SMARCC2: variants seen among roughly 807,000 people sequenced by gnomAD.
The protein encoded by SMARCC2 is SWI/SNF related BAF chromatin remodeling complex subunit C2.
A neutral mutation model predicts 151.3 loss-of-function variants in SMARCC2; 15 were observed. The ratio of observed to expected loss-of-function variants is 0.10; its 90% CI spans 0.07 to 0.15. The LOEUF (loss-of-function observed/expected upper bound fraction) is 0.15, where lower values mean the gene tolerates loss of function less well. Ranked by LOEUF, SMARCC2 falls within the 10% of genes least tolerant of loss-of-function variation. The pLI is 1.00. For synonymous variants in SMARCC2, 590 were observed against 609.5 expected, an observed-to-expected ratio of 0.97 and a Z score of 0.47; for missense variants, 1,031 against 1,599.7, an observed-to-expected ratio of 0.64 and a Z score of 6.06.
In SMARCC2 at chr12:56,178,714, G is replaced by A. The variant is rs926510989; in HGVS notation, c.1179+96C>T. On this transcript the variant is annotated intron_variant, in intron 13 of 28. Transcript: ENST00000550164. ...CAAAGCTGGAATTAGTCTACAGTGG[G>A]TAAAGTCTGGGCAGTGAAAAGTTTG... 9.5e-6 allele frequency: 14 copies of A among 1,474,822 alleles called. No individual in the cohort carries two copies. The African/African-American group carries it at 1.8e-4, about 19-fold the overall frequency. The allele number at this position is 1,474,822 out of a possible 1,614,324, so 91.4% of individuals were successfully genotyped here.
chr12:56,188,724 A>G (rs915247199), intron 1 of SMARCC2, among the ~76,000 whole-genome samples: 2 of 152,190 alleles, frequency 1.3e-5, no homozygotes, highest in African/African-American at 4.8e-5. Flanking sequence ...AGGTTTCGGA[A>G]GGGGCCGCTA....
intron 25 of SMARCC2, 149 bp from the exon 26 acceptor site, chr12:56,168,343 G>C (rs1873230386): frequency 1.2e-6 from 1 of 803,996 alleles, no homozygotes; most frequent in Admixed American, 2.7e-5. Context: ...TTTGTGCTGG[G>C]ATTATAGGCG....
chr12:56,172,718 G>GA lies in SMARCC2; in HGVS notation c.1744-15dup. 6.2e-7 allele frequency: 1 copy of GA among 1,613,868 alleles called. No individual in the cohort carries two copies. Among genetic ancestry groups the GA allele is most frequent in the Non-Finnish European group, 8.5e-7 (1 of 1,180,034 alleles). ...AGCAGAGGTCTGCTATTTGTGGAGG[G>GA]AAAGAAACAGGTGAGTACAAGTGAC... On this transcript the variant is annotated splice_polypyrimidine_tract_variant and intron_variant, in intron 18 of 28. Coordinates refer to ENST00000550164, the MANE Select transcript of SMARCC2 (RefSeq NM_001330288.2).
chr12:56,173,632 A>G, intron 17 of SMARCC2, 64 bp downstream of exon 17: 2 of 1,458,314 alleles, frequency 1.4e-6, no homozygotes, highest in African/African-American at 1.4e-5. Context: ...AAAACCAGAA[A>G]AAGAAAAGTT....
Position 56,164,671 on chromosome 12 carries a change from C to T in SMARCC2, c.3293G>A (p.Gly1098Asp). 6.2e-7 allele frequency: 1 copy of T among 1,612,308 alleles called. No individual in the cohort carries two copies. The highest frequency in any genetic ancestry group is 1.1e-5 in the South Asian group (1 of 90,790). ...PPSMMPGAVPGSGHPGVAGNA... is the reference protein window; with the variant it reads ...PPSMMPGAVPDSGHPGVAGNA... ...ACCCGCCACGCCTGGGTGCCCGCTG[C>T]CTGGCACTGCCCCTGGCATCATTGA... is the stretch of plus-strand genomic sequence containing the variant. Residue 1098 changes from glycine to aspartate, a missense_variant, in exon 28 of 29, where the codon GGC becomes GAC. By Grantham distance (94) the Gly-to-Asp change is moderately conservative (BLOSUM62 -1). Coordinates refer to ENST00000550164, the MANE Select transcript of SMARCC2 (RefSeq NM_001330288.2).
chr12:56,182,147 C>A, intron 7 of SMARCC2, 68 bp from the exon 8 acceptor site: 1 of 1,061,862 alleles, frequency 9.4e-7, no homozygotes, highest in Non-Finnish European at 1.4e-6. Flanking sequence ...AAGTGCAGAT[C>A]TTTTACCCTT....
intron 11 of SMARCC2, among the ~76,000 whole-genome samples, chr12:56,180,437 CTT>C (rs1211335858): frequency 7.6e-5 from 11 of 144,424 alleles, no homozygotes; most frequent in African/African-American, 5.2e-5. Context: ...GAGTTTTGCT[CTT>C]GTCGCCCAGG....
intron 10 of SMARCC2, 161 bp downstream of exon 10, chr12:56,181,321 G>A (rs1424549110): frequency 3.1e-6 from 2 of 645,882 alleles, no homozygotes; most frequent in Non-Finnish European, 5.3e-6. Context: ...ACTAACAACT[G>A]AGCAGCTAAA....
At chr12:56,181,637 C>G (rs757250184) in intron 9 of SMARCC2, 40 bp from the exon 10 acceptor site, 1 of 1,611,244 alleles carries the variant, frequency 6.2e-7, no homozygotes, top group South Asian at 1.1e-5. Flanking sequence ...AGCCTACAAT[C>G]CCCACTGAAG....
At chr12:56,184,345 T>C in intron 5 of SMARCC2, 101 bp from the exon 6 acceptor site, 1 of 795,124 alleles carries the variant, frequency 1.3e-6, no homozygotes, top group Admixed American at 2.2e-5. Flanking sequence ...CTTATAATAG[T>C]ATTAAAGTTA....
intron 7 of SMARCC2, 50 bp from the exon 8 acceptor site, chr12:56,182,129 G>A: frequency 7.7e-7 from 1 of 1,298,382 alleles, no homozygotes; most frequent in African/African-American, 1.5e-5. Flanking sequence ...TAGAATTGTG[G>A]AAAAGTAAAG....
Position 56,186,183 on chromosome 12 carries a change from C to A in SMARCC2, c.289G>T (p.Ala97Ser). 1 of 1,612,286 alleles carries A rather than the reference C, an allele frequency of 6.2e-7. No individual in the cohort carries two copies. The highest frequency in any genetic ancestry group is 8.5e-7 in the Non-Finnish European group (1 of 1,178,304). Residue 97 changes from alanine to serine, a missense_variant, in exon 3 of 29, where the codon GCC becomes TCC. Physicochemically the swap from Ala to Ser is moderately conservative, Grantham distance 99. Coordinates refer to ENST00000550164, the MANE Select transcript of SMARCC2 (RefSeq NM_001330288.2). Reference sequence around the variant, plus strand: ...CCCTGGTCACTCTTGAATTTGTAGGCAGCTGCAAGAATGTGGCACAAGGAG... The same window carrying A: ...CCCTGGTCACTCTTGAATTTGTAGGAAGCTGCAAGAATGTGGCACAAGGAG... Reference protein sequence around the residue: ...GGSLCHILAAAYKFKSDQGWR... With the variant: ...GGSLCHILAASYKFKSDQGWR...
intron 26 of SMARCC2, among the ~76,000 whole-genome samples, chr12:56,166,785 T>G (rs1872856082): frequency 6.6e-6 from 1 of 152,044 alleles, no homozygotes; most frequent in Non-Finnish European, 1.5e-5. Flanking sequence ...ATGTTTGGGC[T>G]GGGCACGGTG....
intron 27 of SMARCC2, among the ~76,000 whole-genome samples, chr12:56,165,112 T>C (rs1393820588): frequency 6.6e-6 from 1 of 152,250 alleles, no homozygotes; most frequent in African/African-American, 2.4e-5. Context: ...TCCCCTTTTC[T>C]GACACTAGAG....
intron 20 of SMARCC2, 181 bp downstream of exon 20, chr12:56,172,247 A>G: frequency 1.8e-6 from 1 of 570,326 alleles, no homozygotes; most frequent in Non-Finnish European, 3.0e-6. Context: ...CACCTGGCTA[A>G]TTTTTAAAAT....
At chr12:56,172,796 T>C (rs2135690426) in intron 18 of SMARCC2, 92 bp from the exon 19 acceptor site, 1 of 1,592,028 alleles carries the variant, frequency 6.3e-7, no homozygotes, top group Non-Finnish European at 8.6e-7. Context: ...GGAGCTTCTT[T>C]CCCAAAGCCA....
intron 3 of SMARCC2, 75 bp from the exon 4 acceptor site, chr12:56,185,186 GTT>G: frequency 7.9e-7 from 1 of 1,270,138 alleles, no homozygotes; most frequent in Non-Finnish European, 1.1e-6. Context: ...TGACTTTTTT[GTT>G]TGTTTTTTGA....
chr12:56,180,872 G>A, intron 11 of SMARCC2, 105 bp downstream of exon 11: 1 of 1,199,450 alleles, frequency 8.3e-7, no homozygotes, highest in Middle Eastern at 2.6e-4. Flanking sequence ...AAAAGATCCT[G>A]TAGACTGGGA....
intron 17 of SMARCC2, 45 bp downstream of exon 17, chr12:56,173,651 C>G: frequency 1.9e-6 from 3 of 1,539,518 alleles, no homozygotes; most frequent in Non-Finnish European, 2.6e-6. Flanking sequence ...TTCAAAGAAG[C>G]CCAATCTTCC....
Sources: allele counts gnomAD v4.1 joint callset (sites outside exome capture counted in the v4.1 genomes callset), GRCh38; gene constraint gnomAD v4.1.1; transcripts MANE v1.5; gene names NCBI Gene and HGNC (gene_info 2026-07-23, HGNC 2026-07-21).